Variants in ANKRD13C observed in about 807,000 individuals in gnomAD.
ANKRD13C encodes ankyrin repeat domain-containing protein 13C.
A neutral mutation model predicts 65.5 loss-of-function variants in ANKRD13C; 16 were observed. The observed-to-expected ratio is 0.24, with a 90% CI of 0.17 to 0.37. The LOEUF is 0.37. ANKRD13C is among the 10% of genes least tolerant of loss of function. ANKRD13C has a pLI of 1.00. For missense variants in ANKRD13C, 503 were observed against 655.9 expected (o/e 0.77, Z 2.55); for synonymous variants, 235 against 238.7 (o/e 0.98, Z 0.14).
intron 1 of ANKRD13C, among the ~76,000 whole-genome samples, chr1:70,338,750 T>G (rs1292830026): frequency 2.0e-5 from 3 of 152,172 alleles, no homozygotes; most frequent in Non-Finnish European, 4.4e-5. Flanking sequence ...AGGAGCCGTC[T>G]GTGGGTCAGA....
intron 9 of ANKRD13C, among the ~76,000 whole-genome samples, chr1:70,288,199 T>C (rs1277900815): frequency 1.3e-5 from 2 of 152,212 alleles, no homozygotes; most frequent in African/African-American, 4.8e-5. Flanking sequence ...CAAAATGGGA[T>C]AGCATTGAAC....
In ANKRD13C at chr1:70,354,482, A is replaced by C. The variant is rs887201010; in HGVS notation, c.-74T>G. The C allele has an allele frequency of 6.6e-7, 1 of 1,510,260 alleles. No individual in the cohort carries two copies. The highest frequency in any genetic ancestry group is 1.4e-5 in the African/African-American group (1 of 72,694). The allele number at this position is 1,510,260 out of a possible 1,614,324, so 93.6% of individuals were successfully genotyped here. A position where few individuals can be genotyped will look rare whatever the true frequency, so the allele number is the denominator to read the frequency against. Reference sequence around the variant, plus strand: ...ACGGAGCTGGCGCTGCGGCGGCACAAGGCGATTAGAGCGGTGGCCAAGAGC... The same window carrying C: ...ACGGAGCTGGCGCTGCGGCGGCACACGGCGATTAGAGCGGTGGCCAAGAGC... On this transcript the variant is annotated 5_prime_UTR_variant, in exon 1 of 13. Transcript: ENST00000370944.
chr1:70,322,694 G>T (rs981446173), intron 3 of ANKRD13C, among the ~76,000 whole-genome samples: 1 of 152,102 alleles, frequency 6.6e-6, no homozygotes, highest in South Asian at 2.1e-4. Flanking sequence ...TACTGACTCT[G>T]AGTAAAGAAT....
rs190964018 is a variant in ANKRD13C, at chr1:70,292,723, T to C, written c.1054-174A>G. On this transcript the variant is annotated intron_variant, in intron 8 of 12. Coordinates refer to ENST00000370944, the MANE Select transcript of ANKRD13C (RefSeq NM_030816.5). ...TTATACAACATATACATCTAAGTTA[T>C]TCAATAAGTTGAAAAATACACAAAA... 1.1e-3 allele frequency among the ~76,000 whole-genome samples: 168 copies of C among 152,338 alleles called. 1 individual carries two copies. Among genetic ancestry groups the C allele is most frequent in the African/African-American group, 3.5e-3 (147 of 41,578 alleles).
intron 7 of ANKRD13C, among the ~76,000 whole-genome samples, chr1:70,297,036 G>A (rs1680109005): frequency 6.6e-6 from 1 of 152,084 alleles, no homozygotes; most frequent in Non-Finnish European, 1.5e-5. Flanking sequence ...AAGTACAGAA[G>A]AGTAAGTGAG....
At chr1:70,300,611 A>G (rs905003935) in intron 7 of ANKRD13C, among the ~76,000 whole-genome samples, 153 bp downstream of exon 7, 4 of 152,124 alleles carry the variant, frequency 2.6e-5, no homozygotes, top group African/African-American at 9.7e-5. Flanking sequence ...AAGAAAAAAG[A>G]AAAGAAAGCT....
chr1:70,306,134 T>C, intron 6 of ANKRD13C, 90 bp downstream of exon 6: 1 of 856,264 alleles, frequency 1.2e-6, no homozygotes. Flanking sequence ...TTTAACGTCA[T>C]AAAACACATG....
At chr1:70,327,747 T>C (rs541395736) in intron 2 of ANKRD13C, among the ~76,000 whole-genome samples, 3 of 152,248 alleles carry the variant, frequency 2.0e-5, no homozygotes, top group South Asian at 4.2e-4. Flanking sequence ...CTACATTTAG[T>C]TTTCAAATGG....
intron 11 of ANKRD13C, among the ~76,000 whole-genome samples, chr1:70,274,330 C>T (rs918270604): frequency 2.0e-5 from 3 of 151,364 alleles, no homozygotes; most frequent in African/African-American, 4.9e-5. Flanking sequence ...AAAAATTAGC[C>T]GGGCGTGGTG....
chr1:70,278,180 C>G (rs1435756233), intron 9 of ANKRD13C, among the ~76,000 whole-genome samples: 1 of 150,378 alleles, frequency 6.6e-6, no homozygotes, highest in Non-Finnish European at 1.5e-5. Flanking sequence ...CAAAGTAAGA[C>G]CCTGCCTCAC....
At chr1:70,302,311 G>C (rs921363239) in intron 6 of ANKRD13C, among the ~76,000 whole-genome samples, 1 of 151,958 alleles carries the variant, frequency 6.6e-6, no homozygotes, top group Non-Finnish European at 1.5e-5. Context: ...AGGGGCGGCG[G>C]GGGGGCGGGG....
intron 9 of ANKRD13C, among the ~76,000 whole-genome samples, chr1:70,277,425 C>A (rs1395922684): frequency 6.7e-6 from 1 of 150,136 alleles, no homozygotes; most frequent in African/African-American, 2.5e-5. Context: ...CCACTGCACT[C>A]CAGCCTGGGT....
intron 3 of ANKRD13C, among the ~76,000 whole-genome samples, chr1:70,320,771 G>T (rs1681273167): frequency 1.3e-5 from 2 of 151,548 alleles, no homozygotes; most frequent in African/African-American, 4.8e-5. Context: ...ATAAATAAAA[G>T]TCCTACTATA....
intron 1 of ANKRD13C, among the ~76,000 whole-genome samples, chr1:70,350,502 T>C (rs1194936320): frequency 6.6e-6 from 1 of 152,254 alleles, no homozygotes; most frequent in Admixed American, 6.5e-5. Flanking sequence ...GTAGCCCATT[T>C]ATTTGGGCCG....
rs552909295 is a variant in ANKRD13C at position 70,263,596 on chromosome 1, T to C, written c.1496-749A>G. Among the ~76,000 whole-genome samples, 31 of 152,292 alleles carry C rather than the reference T, an allele frequency of 2.0e-4. 1 individual carries two copies. Among genetic ancestry groups the C allele is most frequent in the Admixed American group, 1.7e-3 (26 of 15,292 alleles). On this transcript the variant is annotated intron_variant, in intron 12 of 12. Transcript: ENST00000370944. ...CTGGATTCAGATTCCTATAAATCAT[T>C]TTACTCATGAGCCTCAGGGATTTCA... is the stretch of plus-strand genomic sequence containing the variant.
At chr1:70,307,102 T>C (rs1680620098) in intron 5 of ANKRD13C, among the ~76,000 whole-genome samples, 1 of 152,218 alleles carries the variant, frequency 6.6e-6, no homozygotes, top group South Asian at 2.1e-4. Context: ...ACGGCAGATA[T>C]ATCTTACAAA....
At chr1:70,331,730 G>A (rs1190421042) in intron 2 of ANKRD13C, among the ~76,000 whole-genome samples, 2 of 149,130 alleles carry the variant, frequency 1.3e-5, no homozygotes. Flanking sequence ...GTAGGCTGAG[G>A]TGGGAGAATC....
At chr1:70,276,677 T>G (rs1679148848) in intron 10 of ANKRD13C, 88 bp downstream of exon 10, 1 of 1,087,538 alleles carries the variant, frequency 9.2e-7, no homozygotes, top group Non-Finnish European at 1.3e-6. Flanking sequence ...CTCTCCAAAA[T>G]AATTTACGCC....
intron 9 of ANKRD13C, among the ~76,000 whole-genome samples, chr1:70,281,107 A>G (rs987045073): frequency 2.6e-5 from 4 of 152,236 alleles, no homozygotes; most frequent in Middle Eastern, 3.4e-3. Context: ...TAGACACACT[A>G]AATTTTAGAC....
Sources: allele counts gnomAD v4.1 joint callset (sites outside exome capture counted in the v4.1 genomes callset), GRCh38; gene constraint gnomAD v4.1.1; transcripts MANE v1.5; gene names NCBI Gene and HGNC (gene_info 2026-07-23, HGNC 2026-07-21).